Variants in EML6 observed in about 807,000 individuals in gnomAD.
The protein encoded by EML6 is EMAP like 6, also known as echinoderm microtubule-associated protein-like 6.
In EML6, 154 loss-of-function variants were observed where a neutral mutation model predicts 240.1. That is an observed-to-expected ratio of 0.64 (90% CI 0.56 to 0.73). The LOEUF is 0.73. Among genes scored for constraint, EML6 ranks in the 30% least tolerant of loss-of-function variants. EML6 has a pLI of 0.00. For synonymous variants in EML6, 1,148 were observed against 899.0 expected, an observed-to-expected ratio of 1.28 and a Z score of -4.95; for missense variants, 2,964 against 2,474.6, an observed-to-expected ratio of 1.20 and a Z score of -4.20.
intron 7 of EML6, among the ~76,000 whole-genome samples, chr2:54,835,812 G>A (rs754160552): frequency 3.9e-5 from 6 of 152,166 alleles, no homozygotes; most frequent in Non-Finnish European, 7.3e-5. Flanking sequence ...GCTGCTAAAA[G>A]TATTACAGTG....
chr2:54,786,275 C>T (rs1431698230), intron 2 of EML6, among the ~76,000 whole-genome samples: 1 of 152,140 alleles, frequency 6.6e-6, no homozygotes, highest in Non-Finnish European at 1.5e-5. Flanking sequence ...CTAGTCCCAG[C>T]CCTTTTTTGC....
At chr2:54,826,947 C>T (rs1668627314) in intron 5 of EML6, among the ~76,000 whole-genome samples, 1 of 152,088 alleles carries the variant, frequency 6.6e-6, no homozygotes, top group African/African-American at 2.4e-5. Context: ...CCGAGGAGGG[C>T]AGATTACTTG....
At chr2:54,902,261 C>G (rs1195135457) in intron 22 of EML6, among the ~76,000 whole-genome samples, 1 of 152,204 alleles carries the variant, frequency 6.6e-6, no homozygotes, top group Non-Finnish European at 1.5e-5. Flanking sequence ...ACCCTATACT[C>G]CTTTTCTCCA....
chr2:54,809,868 G>A (rs4671977), intron 2 of EML6, among the ~76,000 whole-genome samples: 3 of 151,938 alleles, frequency 2.0e-5, no homozygotes, highest in African/African-American at 7.2e-5. Flanking sequence ...GCTGTGCCCT[G>A]GATGAGACAT....
intron 19 of EML6, 146 bp downstream of exon 19, chr2:54,892,802 A>G (rs370771218): frequency 3.2e-6 from 2 of 617,412 alleles, no homozygotes; most frequent in Non-Finnish European, 5.5e-6. Flanking sequence ...TCAAGAGACA[A>G]TAGGGAGGAA....
At chr2:54,767,939 T>G (rs929369165) in intron 2 of EML6, among the ~76,000 whole-genome samples, 1 of 152,116 alleles carries the variant, frequency 6.6e-6, no homozygotes, top group Non-Finnish European at 1.5e-5. Context: ...TACTTTTAAT[T>G]TAATTTTGAA....
chr2:54,928,289 A>G (rs942720466), intron 26 of EML6, 24 bp from the exon 27 acceptor site: 2 of 1,536,612 alleles, frequency 1.3e-6, no homozygotes. Context: ...TGGCTGGGGT[A>G]ATAACCAATT....
At chr2:54,751,351 A>T (rs964649664) in intron 2 of EML6, among the ~76,000 whole-genome samples, 1 of 152,048 alleles carries the variant, frequency 6.6e-6, no homozygotes, top group African/African-American at 2.4e-5. Context: ...ATCTTGGAGG[A>T]CTCTAATGGG....
At chr2:54,918,095 T>A (rs924175094) in intron 26 of EML6, among the ~76,000 whole-genome samples, 1 of 152,222 alleles carries the variant, frequency 6.6e-6, no homozygotes, top group African/African-American at 2.4e-5. Context: ...CACAATTGAT[T>A]TTCTAAGATC....
chr2:54,823,782 G>A (rs188207160), intron 5 of EML6, among the ~76,000 whole-genome samples: 2 of 150,970 alleles, frequency 1.3e-5, no homozygotes, highest in East Asian at 1.9e-4. Flanking sequence ...ATTTGTGATT[G>A]TTTCCCTCTG....
intron 5 of EML6, among the ~76,000 whole-genome samples, chr2:54,823,672 T>A (rs1229512624): frequency 6.6e-6 from 1 of 152,086 alleles, no homozygotes. Context: ...GTGGTGGGTT[T>A]CTGGAAATCT....
At chr2:54,728,310 A>G (rs772581753) in intron 2 of EML6, among the ~76,000 whole-genome samples, 13 of 152,234 alleles carry the variant, frequency 8.5e-5, no homozygotes, top group Admixed American at 4.6e-4. Flanking sequence ...AAGCCTGTGA[A>G]CACATTCATC....
intron 28 of EML6, among the ~76,000 whole-genome samples, chr2:54,943,870 T>G (rs1193186910): frequency 5.3e-5 from 8 of 152,252 alleles, no homozygotes; most frequent in African/African-American, 1.9e-4. Flanking sequence ...GTGTATTTTA[T>G]AGTTATAGCA....
chr2:54,800,317 G>A (rs1456013580), intron 2 of EML6, among the ~76,000 whole-genome samples: 1 of 152,142 alleles, frequency 6.6e-6, no homozygotes, highest in African/African-American at 2.4e-5. Flanking sequence ...AGATGTAGAT[G>A]TTAAAGGTAT....
At chr2:54,812,328 A>G (rs901328085) in intron 2 of EML6, among the ~76,000 whole-genome samples, 6 of 152,122 alleles carry the variant, frequency 3.9e-5, no homozygotes, top group Admixed American at 2.6e-4. Context: ...CACTGAAAAA[A>G]AAAAAAAGTC....
At chr2:54,838,059 C>T (rs1669245213) in intron 7 of EML6, among the ~76,000 whole-genome samples, 1 of 152,202 alleles carries the variant, frequency 6.6e-6, no homozygotes, top group Non-Finnish European at 1.5e-5. Flanking sequence ...ATAGCCTTTT[C>T]CTCTGTGAGT....
At chr2:54,960,095 G>T in intron 34 of EML6, 125 bp from the exon 35 acceptor site, 1 of 697,852 alleles carries the variant, frequency 1.4e-6, no homozygotes, top group South Asian at 1.7e-5. Flanking sequence ...GACCCTGGAG[G>T]GTCTTTCCTT....
chr2:54,814,675 G>A (rs555637233), intron 3 of EML6, among the ~76,000 whole-genome samples: 8 of 152,302 alleles, frequency 5.3e-5, no homozygotes, highest in African/African-American at 1.9e-4. Flanking sequence ...GAAAGTCTGT[G>A]GGAAATTCAG....
intron 28 of EML6, among the ~76,000 whole-genome samples, chr2:54,939,150 G>A (rs1675298703): frequency 2.0e-5 from 3 of 152,206 alleles, no homozygotes; most frequent in Non-Finnish European, 4.4e-5. Flanking sequence ...CAAATTCTGA[G>A]ATCTTGTTGA....
Sources: allele counts gnomAD v4.1 joint callset (sites outside exome capture counted in the v4.1 genomes callset), GRCh38; gene constraint gnomAD v4.1.1; transcripts MANE v1.5; gene names NCBI Gene and HGNC (gene_info 2026-07-23, HGNC 2026-07-21).